The following SNX30 variants were observed in gnomAD, a reference collection of about 807,000 sequenced individuals.
SNX30 encodes sorting nexin-30.
Under a neutral mutation model 46.4 loss-of-function variants are expected in SNX30, and 24 were observed. The observed-to-expected ratio is 0.52, with a 90% CI of 0.37 to 0.73. SNX30 has a LOEUF of 0.73. SNX30 is among the 30% of genes least tolerant of loss of function. SNX30 has a pLI of 0.00. For synonymous variants in SNX30, 189 were observed against 211.5 expected (o/e 0.89, Z 0.92); for missense variants, 533 against 555.7 (o/e 0.96, Z 0.41).
chr9:112,837,423 T>A (rs1840774831), intron 5 of SNX30, among the ~76,000 whole-genome samples: 1 of 152,102 alleles, frequency 6.6e-6, no homozygotes. Flanking sequence ...TCAAAATGTT[T>A]CCTAAAATTC....
At chr9:112,770,735 C>T (rs968322411) in intron 1 of SNX30, among the ~76,000 whole-genome samples, 15 of 152,066 alleles carry the variant, frequency 9.9e-5, no homozygotes, top group African/African-American at 2.2e-4. Context: ...CGGTGGCTCA[C>T]GCCTGTAATC....
At chr9:112,751,658 G>A (rs1839279615) in intron 1 of SNX30, among the ~76,000 whole-genome samples, 1 of 152,170 alleles carries the variant, frequency 6.6e-6, no homozygotes, top group South Asian at 2.1e-4. Flanking sequence ...CTTTGTTTAG[G>A]TTTGCTGTTT....
chr9:112,776,281 G>A (rs1052958747), intron 1 of SNX30, among the ~76,000 whole-genome samples: 8 of 151,990 alleles, frequency 5.3e-5, no homozygotes, highest in Non-Finnish European at 1.0e-4. Flanking sequence ...TATTTTCACT[G>A]TGTCTCCTGA....
At chr9:112,837,892 T>C (rs995572052) in intron 5 of SNX30, among the ~76,000 whole-genome samples, 19 of 140,156 alleles carry the variant, frequency 1.4e-4, no homozygotes, top group African/African-American at 1.1e-4. Context: ...CTTTTCTTTT[T>C]TTTTTTTTTT....
At chr9:112,765,394 C>T (rs1267268986) in intron 1 of SNX30, among the ~76,000 whole-genome samples, 1 of 152,152 alleles carries the variant, frequency 6.6e-6, no homozygotes. Context: ...TATCTAATTC[C>T]AGAACATTTT....
intron 1 of SNX30, among the ~76,000 whole-genome samples, chr9:112,778,686 G>A (rs908276226): frequency 2.0e-5 from 3 of 152,222 alleles, no homozygotes; most frequent in Non-Finnish European, 4.4e-5. Context: ...AGATAAGCAT[G>A]TAAGACCAGA....
At chr9:112,805,520 G>A (rs1333999082) in intron 2 of SNX30, among the ~76,000 whole-genome samples, 2 of 152,158 alleles carry the variant, frequency 1.3e-5, no homozygotes, top group Non-Finnish European at 2.9e-5. Context: ...CCAGGCTGGA[G>A]TGCAGTGGTG....
chr9:112,864,153 G>T, intron 7 of SNX30, 94 bp from the exon 8 acceptor site: 4 of 1,319,852 alleles, frequency 3.0e-6, no homozygotes, highest in Non-Finnish European at 4.3e-6. Context: ...TTAATGTAGG[G>T]CTTTGGCCTT....
intron 6 of SNX30, among the ~76,000 whole-genome samples, chr9:112,846,264 G>A (rs1450984729): frequency 6.6e-6 from 1 of 152,164 alleles, no homozygotes; most frequent in Non-Finnish European, 1.5e-5. Flanking sequence ...AAGAAATAAT[G>A]TATCACTGAT....
intron 1 of SNX30, among the ~76,000 whole-genome samples, chr9:112,754,604 C>T (rs890578571): frequency 1.3e-5 from 2 of 152,008 alleles, no homozygotes; most frequent in Admixed American, 6.6e-5. Context: ...TGGGGTTTTA[C>T]CATGTTAGCC....
chr9:112,829,686 G>T (rs1332677002), intron 3 of SNX30, among the ~76,000 whole-genome samples: 2 of 152,176 alleles, frequency 1.3e-5, no homozygotes, highest in Non-Finnish European at 2.9e-5. Context: ...TTTCCACAGT[G>T]GCTGCACATT....
intron 1 of SNX30, among the ~76,000 whole-genome samples, chr9:112,785,424 C>T (rs2131380256): frequency 6.6e-6 from 1 of 151,250 alleles, no homozygotes; most frequent in South Asian, 2.1e-4. Context: ...CACTCTGTCA[C>T]CCAGGCTGGA....
At chr9:112,754,904 A>G (rs1255603148) in intron 1 of SNX30, among the ~76,000 whole-genome samples, 1 of 152,148 alleles carries the variant, frequency 6.6e-6, no homozygotes, top group African/African-American at 2.4e-5. Flanking sequence ...CTCTTCTCTG[A>G]ACTCTTCATC....
chr9:112,831,101 C>T (rs1197937168), intron 4 of SNX30, among the ~76,000 whole-genome samples: 1 of 149,336 alleles, frequency 6.7e-6, no homozygotes, highest in Non-Finnish European at 1.5e-5. Context: ...CGTGCCACTG[C>T]ACTGCAGCCT....
chr9:112,863,588 A>T (rs918085042), intron 7 of SNX30, among the ~76,000 whole-genome samples: 2 of 152,226 alleles, frequency 1.3e-5, no homozygotes, highest in East Asian at 3.8e-4. Context: ...TTGAATTTCA[A>T]ATTTTTTTGA....
Position 112,880,726 on chromosome 9 carries a change from G to A in SNX30, n.3824+254G>A, listed in dbSNP as rs1178895216. Among the ~76,000 whole-genome samples the A allele has an allele frequency of 2.6e-5, 4 of 152,190 alleles. No homozygotes were observed. The South Asian group carries it at 8.3e-4, about 31-fold the overall frequency. On this transcript the variant is annotated intron_variant and non_coding_transcript_variant, in intron 5 of 5. Coordinates refer to the SNX30 transcript ENST00000604751. ...ATGGGCAATTGAACTTGGTGGTCCT[G>A]TAACAAAGGGTGTGCCTTTTCCTCT...
At position 112,804,813 on chromosome 9, in the gene SNX30, C is replaced by T; in HGVS notation, c.194C>T (p.Thr65Ile). 3 of 1,613,552 alleles carry T rather than the reference C, an allele frequency of 1.9e-6. No individual in the cohort carries two copies. Among genetic ancestry groups the T allele is most frequent in the Non-Finnish European group, 2.5e-6 (3 of 1,179,652 alleles). ...CCCAACGGTGGTACTCCAGCAGGTA[C>T]TTCAAGTCCAGCTTCTTCATCTTCC... Reference protein sequence around the residue: ...ILPNGGTPAGTSSPASSSSLL... With the variant: ...ILPNGGTPAGISSPASSSSLL... The change falls in exon 2 of 9, where the codon ACT becomes ATT. Residue 65 changes from threonine (T) to isoleucine (I), a missense_variant. Physicochemically the swap from Thr to Ile is moderately conservative, Grantham distance 89. Coordinates refer to ENST00000374232, the MANE Select transcript of SNX30 (RefSeq NM_001012994.2).
At chr9:112,777,461 C>G (rs1839765046) in intron 1 of SNX30, among the ~76,000 whole-genome samples, 1 of 151,872 alleles carries the variant, frequency 6.6e-6, no homozygotes, top group Admixed American at 6.6e-5. Context: ...GAGTCTTGCT[C>G]TGTTGCTCAG....
At chr9:112,817,059 G>A (rs1564278878) in intron 2 of SNX30, among the ~76,000 whole-genome samples, 1 of 152,038 alleles carries the variant, frequency 6.6e-6, no homozygotes. Context: ...TTTCTTATCT[G>A]TCTAAAATAT....
Sources: allele counts gnomAD v4.1 joint callset (sites outside exome capture counted in the v4.1 genomes callset), GRCh38; gene constraint gnomAD v4.1.1; transcripts MANE v1.5; gene names NCBI Gene and HGNC (gene_info 2026-07-23, HGNC 2026-07-21).